The following B3GLCT variants were observed in gnomAD, a reference collection of about 807,000 sequenced individuals.
The protein encoded by B3GLCT is beta 3-glucosyltransferase.
In B3GLCT, 65 loss-of-function variants were observed where a neutral mutation model predicts 63.4. The ratio of observed to expected loss-of-function variants is 1.03; its 90% CI spans 0.84 to 1.26. B3GLCT has a LOEUF of 1.26. Ranked by LOEUF, B3GLCT falls within the 50% of genes most tolerant of loss-of-function variation. The pLI, the probability that B3GLCT is intolerant of heterozygous loss-of-function variation, is 0.00. For synonymous variants in B3GLCT, 233 were observed against 219.2 expected, an observed-to-expected ratio of 1.06 and a Z score of -0.55; for missense variants, 577 against 604.8, an observed-to-expected ratio of 0.95 and a Z score of 0.48.
intron 9 of B3GLCT, among the ~76,000 whole-genome samples, chr13:31,275,745 C>G (rs576618368): frequency 6.6e-6 from 1 of 152,268 alleles, no homozygotes; most frequent in South Asian, 2.1e-4. Context: ...GTCAGTCACA[C>G]ACAAGTCTGT....
At chr13:31,243,632 A>G (rs892597709) in intron 4 of B3GLCT, among the ~76,000 whole-genome samples, 5 of 152,236 alleles carry the variant, frequency 3.3e-5, no homozygotes, top group African/African-American at 9.6e-5. Context: ...TTCCCAAATG[A>G]GGATGATGAA....
chr13:31,322,187 G>A (rs373574771), intron 13 of B3GLCT, among the ~76,000 whole-genome samples: 1 of 152,272 alleles, frequency 6.6e-6, no homozygotes, highest in Non-Finnish European at 1.5e-5. Flanking sequence ...AGCCTTGGGA[G>A]CAAATGACTA....
In B3GLCT at chr13:31,246,955, T is replaced by TC. The variant is rs199535028; in HGVS notation, c.271-68_271-67insC. On this transcript the variant is annotated intron_variant, in intron 4 of 14. Transcript: ENST00000343307. ...TTTTTTCTTTTCTTTTCTTTTCTTT[T>TC]TTTTTTTTTTTACTTTTTTTCGGAG... 1.3e-3 allele frequency: 1,209 copies of TC among 901,552 alleles called. 1 individual carries two copies. Among genetic ancestry groups the TC allele is most frequent in the East Asian group, 1.5e-3 (52 of 34,594 alleles). The allele number at this position is 901,552 out of a possible 1,614,324, so 55.8% of individuals were successfully genotyped here. A position where few individuals can be genotyped will look rare whatever the true frequency, so the allele number is the denominator to read the frequency against.
At chr13:31,268,009 A>C (rs9530024) in intron 7 of B3GLCT, among the ~76,000 whole-genome samples, 1 of 151,348 alleles carries the variant, frequency 6.6e-6, no homozygotes, top group Non-Finnish European at 1.5e-5. Flanking sequence ...TAACTTAAAA[A>C]TTTTTTTTTA....
At position 31,280,195 on chromosome 13, in the gene B3GLCT, A is replaced by AT. The variant is rs561499383; in HGVS notation, c.850+3426dup. On this transcript the variant is annotated intron_variant, in intron 10 of 14. Transcript: ENST00000343307. ...GGCATAGGAAATCACAAGAGTATTG[A>AT]TTGGGGAAGTGATAAGTGTCCATGA... 1.5e-4 allele frequency among the ~76,000 whole-genome samples: 23 copies of AT among 152,360 alleles called. No individual in the cohort carries two copies. In the South Asian group the frequency reaches 4.6e-3, roughly 30 times the overall value.
chr13:31,275,973 C>G (rs1180861450), intron 9 of B3GLCT, among the ~76,000 whole-genome samples: 1 of 152,136 alleles, frequency 6.6e-6, no homozygotes, highest in Non-Finnish European at 1.5e-5. Flanking sequence ...TATAAACCAG[C>G]CCCAAATTAT....
At chr13:31,316,530 G>T (rs1875041797) in intron 12 of B3GLCT, among the ~76,000 whole-genome samples, 1 of 149,690 alleles carries the variant, frequency 6.7e-6, no homozygotes, top group South Asian at 2.1e-4. Flanking sequence ...AATATTTAAT[G>T]ATTGCCTGGC....
intron 14 of B3GLCT, among the ~76,000 whole-genome samples, chr13:31,327,306 T>C (rs977695572): frequency 6.6e-6 from 1 of 152,182 alleles, no homozygotes; most frequent in Non-Finnish European, 1.5e-5. Flanking sequence ...ACAAGCACTG[T>C]GATACTGCTG....
chr13:31,273,807 G>A (rs1465329624), intron 8 of B3GLCT, among the ~76,000 whole-genome samples: 1 of 152,204 alleles, frequency 6.6e-6, no homozygotes, highest in Non-Finnish European at 1.5e-5. Context: ...ACAAATTAGG[G>A]AGGCCTGGCT....
At chr13:31,231,483 G>A (rs1377211452) in intron 4 of B3GLCT, among the ~76,000 whole-genome samples, 3 of 152,072 alleles carry the variant, frequency 2.0e-5, no homozygotes, top group Admixed American at 6.5e-5. Flanking sequence ...CCATGGATAC[G>A]AATAGCGACG....
Position 31,329,969 on chromosome 13 carries a change from A to G in B3GLCT, c.*301A>G, listed in dbSNP as rs1211654749. The G allele has an allele frequency of 1.0e-5, 4 of 389,024 alleles. No individual in the cohort carries two copies. The highest frequency in any genetic ancestry group is 8.2e-5 in the African/African-American group (4 of 48,614). 24.1% of individuals were successfully genotyped at this position (389,024 alleles called of 1,614,324 possible). On this transcript the variant is annotated 3_prime_UTR_variant, in exon 15 of 15. Coordinates refer to ENST00000343307, the MANE Select transcript of B3GLCT (RefSeq NM_194318.4). ...AGTTTTTTTTTATTGTCACAGGGAA[A>G]TAAATGGTACCAGAAGTCCCTTTCC...
At chr13:31,267,974 A>G (rs1872410734) in intron 7 of B3GLCT, among the ~76,000 whole-genome samples, 1 of 151,876 alleles carries the variant, frequency 6.6e-6, no homozygotes, top group African/African-American at 2.4e-5. Context: ...CTGAGTAGCT[A>G]GGATACAAGT....
Position 31,302,386 on chromosome 13 carries a change from G to A in B3GLCT, c.1065-15180G>A, listed in dbSNP as rs368683416. ...TCCCAGCGTGAGCGACGCAGAAGACGGGTGATTTCTGCATTTCCATCTGAG... is the reference window on the plus strand; with the variant it reads ...TCCCAGCGTGAGCGACGCAGAAGACAGGTGATTTCTGCATTTCCATCTGAG... On this transcript the variant is annotated intron_variant, in intron 12 of 14. Coordinates refer to ENST00000343307, the MANE Select transcript of B3GLCT (RefSeq NM_194318.4). Among the ~76,000 whole-genome samples, 152 of 151,160 alleles carry A rather than the reference G, an allele frequency of 1.0e-3. 2 individuals carry two copies. In the East Asian group the frequency reaches 0.01, roughly 10 times the overall value.
At chr13:31,246,961 T>G (rs1002490452) in intron 4 of B3GLCT, 62 bp from the exon 5 acceptor site, 2 of 1,088,588 alleles carry the variant, frequency 1.8e-6, no homozygotes, top group Non-Finnish European at 2.7e-6. Context: ...CTTTTTTTTT[T>G]TTTTTACTTT....
At chr13:31,292,385 G>A (rs1389104276) in intron 12 of B3GLCT, among the ~76,000 whole-genome samples, 2 of 152,184 alleles carry the variant, frequency 1.3e-5, no homozygotes, top group Admixed American at 6.6e-5. Flanking sequence ...AGAAGGAGTG[G>A]TACCAGCTCC....
At chr13:31,317,536 T>A (rs1875105161) in intron 12 of B3GLCT, 30 bp from the exon 13 acceptor site, 1 of 1,613,498 alleles carries the variant, frequency 6.2e-7, no homozygotes, top group East Asian at 2.2e-5. Context: ...AATCAAATAA[T>A]CATGATTTGT....
At chr13:31,241,740 C>G (rs1348526374) in intron 4 of B3GLCT, among the ~76,000 whole-genome samples, 1 of 152,150 alleles carries the variant, frequency 6.6e-6, no homozygotes, top group Non-Finnish European at 1.5e-5. Flanking sequence ...AGACTCCCAT[C>G]TTGGGCAGCT....
Position 31,233,493 on chromosome 13 carries a change from G to A in B3GLCT, c.270+4199G>A, listed in dbSNP as rs373513043. ...ACAGTCTAGTTGGTGGGGGCCTGGG[G>A]AGGCAGCTCTGCTCCAGGTTCCTCT... On this transcript the variant is annotated intron_variant, in intron 4 of 14. Transcript: ENST00000343307. Among the ~76,000 whole-genome samples the A allele has an allele frequency of 5.9e-5, 9 of 152,236 alleles. No homozygotes were observed. The East Asian group carries it at 9.6e-4, about 16-fold the overall frequency.
chr13:31,206,610 C>T (rs1420228943), intron 1 of B3GLCT, among the ~76,000 whole-genome samples: 1 of 145,772 alleles, frequency 6.9e-6, no homozygotes, highest in African/African-American at 2.5e-5. Flanking sequence ...AAAAGGTAGC[C>T]GGGCATGGTG....
Sources: gnomAD v4.1 joint callset for allele counts (sites outside exome capture counted in the v4.1 genomes callset) on GRCh38, gnomAD v4.1.1 for gene constraint, MANE v1.5 for transcripts, NCBI Gene and HGNC (gene_info 2026-07-23, HGNC 2026-07-21) for gene names.